Variants in OXR1 observed in about 807,000 individuals in gnomAD.
OXR1 encodes the protein oxidation resistance protein 1.
Under a neutral mutation model 104.6 loss-of-function variants are expected in OXR1, and 41 were observed. The observed-to-expected ratio is 0.39, with a 90% confidence interval of 0.31 to 0.51. The LOEUF (loss-of-function observed/expected upper bound fraction) is 0.51, where lower values mean the gene tolerates loss of function less well. Ranked by LOEUF, OXR1 falls within the 20% of genes least tolerant of loss-of-function variation. The pLI is 0.77. For synonymous variants in OXR1, 348 were observed against 348.4 expected (o/e 1.00, Z 0.01); for missense variants, 955 against 1,031.9 (o/e 0.93, Z 1.02).
At chr8:106,444,686 G>T (rs1819940713) in intron 2 of OXR1, among the ~76,000 whole-genome samples, 1 of 152,036 alleles carries the variant, frequency 6.6e-6, no homozygotes, top group Non-Finnish European at 1.5e-5. Context: ...AGGGATTGTT[G>T]GGGGTGGGGG....
intron 2 of OXR1, among the ~76,000 whole-genome samples, chr8:106,372,916 A>T (rs1816766608): frequency 6.6e-6 from 1 of 152,202 alleles, no homozygotes; most frequent in African/African-American, 2.4e-5. Flanking sequence ...TAAATTGTGG[A>T]AATTCAGAAT....
In OXR1 at chr8:106,427,988, G is replaced by C. The variant is rs1819202369; in HGVS notation, c.23+68352G>C. On this transcript the variant is annotated intron_variant, in intron 2 of 16. Transcript: ENST00000517566. ...ATGATAATGGAAATATTCTATACTT[G>C]TGCTGCCTAATACCGAGGAACAAAT... 2.6e-5 allele frequency among the ~76,000 whole-genome samples: 4 copies of C among 152,132 alleles called. No individual in the cohort carries two copies. In the South Asian group the frequency reaches 8.3e-4, roughly 32 times the overall value.
chr8:106,698,093 T>C (rs1163525377), intron 7 of OXR1: 1 of 892,000 alleles, frequency 1.1e-6, no homozygotes, highest in Non-Finnish European at 1.8e-6. Flanking sequence ...TGGCTGCAGC[T>C]GCCGAGCTTC....
chr8:106,603,633 T>G (rs1820135746), intron 3 of OXR1, among the ~76,000 whole-genome samples: 2 of 152,220 alleles, frequency 1.3e-5, no homozygotes, highest in Admixed American at 1.3e-4. Context: ...CTTTTCTATA[T>G]TGCCAAAACT....
At chr8:106,724,819 G>A (rs1446756095) in intron 11 of OXR1, among the ~76,000 whole-genome samples, 2 of 152,148 alleles carry the variant, frequency 1.3e-5, no homozygotes, top group African/African-American at 4.8e-5. Flanking sequence ...ATATTGAATA[G>A]GCAACCAACA....
chr8:106,297,512 G>A (rs544150778), intron 1 of OXR1, among the ~76,000 whole-genome samples: 1 of 152,116 alleles, frequency 6.6e-6, no homozygotes, highest in South Asian at 2.1e-4. Context: ...CTACAAATCT[G>A]TACAGTACGT....
At chr8:106,580,025 G>A (rs1454600729) in intron 3 of OXR1, among the ~76,000 whole-genome samples, 2 of 152,182 alleles carry the variant, frequency 1.3e-5, no homozygotes, top group Non-Finnish European at 2.9e-5. Context: ...TTCTTCCTGT[G>A]TATGATTGAC....
chr8:106,618,048 C>T (rs1821385867), intron 3 of OXR1: 1 of 1,529,850 alleles, frequency 6.5e-7, no homozygotes, highest in Non-Finnish European at 8.7e-7. Context: ...AGAAGGCACT[C>T]TGGCAGAAAG....
chr8:106,494,200 C>T (rs890260476), intron 2 of OXR1, among the ~76,000 whole-genome samples: 1 of 152,172 alleles, frequency 6.6e-6, no homozygotes, highest in Non-Finnish European at 1.5e-5. Flanking sequence ...TACCTGCCCC[C>T]TTCTACAGGC....
At chr8:106,516,036 T>A (rs1455200556) in intron 2 of OXR1, among the ~76,000 whole-genome samples, 1 of 152,102 alleles carries the variant, frequency 6.6e-6, no homozygotes, top group Non-Finnish European at 1.5e-5. Flanking sequence ...CTCACTCCCC[T>A]GCCCTCAGGA....
At chr8:106,468,325 C>T (rs1027135117) in intron 2 of OXR1, among the ~76,000 whole-genome samples, 1 of 151,662 alleles carries the variant, frequency 6.6e-6, no homozygotes, top group Non-Finnish European at 1.5e-5. Flanking sequence ...ACTTTAGTTA[C>T]CATGTTCCCA....
intron 2 of OXR1, among the ~76,000 whole-genome samples, chr8:106,458,104 A>G (rs1052003127): frequency 2.6e-5 from 4 of 152,178 alleles, no homozygotes; most frequent in African/African-American, 9.6e-5. Flanking sequence ...ACTGATCACT[A>G]AAGAGATTAA....
intron 1 of OXR1, among the ~76,000 whole-genome samples, chr8:106,328,521 A>C (rs1814573624): frequency 6.6e-6 from 1 of 152,244 alleles, no homozygotes; most frequent in African/African-American, 2.4e-5. Flanking sequence ...AAATTTAATA[A>C]GCAAAGGCGG....
chr8:106,509,669 A>G (rs1025894163), intron 2 of OXR1, among the ~76,000 whole-genome samples: 1 of 152,218 alleles, frequency 6.6e-6, no homozygotes, highest in Admixed American at 6.5e-5. Flanking sequence ...TTATTTAGAA[A>G]TTATAAAATG....
intron 2 of OXR1, among the ~76,000 whole-genome samples, chr8:106,365,431 GA>G (rs570644035): frequency 0.062 from 7,157 of 115,966 alleles, 235 homozygotes; most frequent in South Asian, 0.14. Flanking sequence ...CCTAGGAAGA[GA>G]AAAAAAAAAA....
rs1815348014 is a variant in OXR1 at position 106,343,620 on chromosome 8, C to G, written c.-138-15856C>G. 2.6e-5 allele frequency among the ~76,000 whole-genome samples: 4 copies of G among 152,274 alleles called. 1 individual carries two copies. The Middle Eastern group carries it at 0.01, about 388-fold the overall frequency. ...TTGCAACTGGGCCATGTGCCTACCC[C>G]AAAGGAATCACCATTGCTAGTAAAT... On this transcript the variant is annotated intron_variant, in intron 1 of 16. Transcript: ENST00000517566.
At chr8:106,697,507 T>C in intron 7 of OXR1, 1 of 1,610,342 alleles carries the variant, frequency 6.2e-7, no homozygotes, top group Non-Finnish European at 8.5e-7. Flanking sequence ...GTTCTTGCCC[T>C]CTTGCAGCTG....
intron 1 of OXR1, among the ~76,000 whole-genome samples, chr8:106,342,839 T>G (rs1815312512): frequency 6.6e-6 from 1 of 152,206 alleles, no homozygotes; most frequent in Non-Finnish European, 1.5e-5. Context: ...TTGTTAAACA[T>G]TTACAGGCAA....
intron 3 of OXR1, among the ~76,000 whole-genome samples, chr8:106,552,386 C>T (rs1026444288): frequency 6.6e-6 from 1 of 152,058 alleles, no homozygotes; most frequent in African/African-American, 2.4e-5. Flanking sequence ...GTTCTTGCCC[C>T]CCACCTCTAT....
Sources: allele counts gnomAD v4.1 joint callset (sites outside exome capture counted in the v4.1 genomes callset), GRCh38; gene constraint gnomAD v4.1.1; transcripts MANE v1.5; gene names NCBI Gene and HGNC (gene_info 2026-07-23, HGNC 2026-07-21).